Variants in DST observed in about 807,000 individuals in gnomAD.
DST encodes dystonin.
A neutral mutation model predicts 875.2 loss-of-function variants in DST; 253 were observed. The ratio of observed to expected loss-of-function variants is 0.29; its 90% CI spans 0.26 to 0.32. The LOEUF (loss-of-function observed/expected upper bound fraction) is 0.32, where lower values mean the gene tolerates loss of function less well. Among genes scored for constraint, DST ranks in the 10% least tolerant of loss-of-function variants. The probability of loss-of-function intolerance (pLI) is 1.00; values close to 1 mark genes in which losing one functional copy is unlikely to be tolerated. For synonymous variants in DST, 3,124 were observed against 3,197.1 expected (o/e 0.98, Z 0.77); for missense variants, 8,287 against 9,111.6 (o/e 0.91, Z 3.68).
chr6:56,920,719 C>A (rs1803656493), intron 2 of DST, among the ~76,000 whole-genome samples: 1 of 144,510 alleles, frequency 6.9e-6, no homozygotes, highest in Non-Finnish European at 1.5e-5. Flanking sequence ...CTTTTTCTTT[C>A]TTTCTTCCTT....
Position 56,633,562 on chromosome 6 carries a change from G to A in DST, c.3622-525C>T, listed in dbSNP as rs188570798. On this transcript the variant is annotated intron_variant, in intron 27 of 103. Transcript: ENST00000680361. ...TCACTCTTATTGCCCAGGCTGGAGC[G>A]CGATCTCAGCTCACTGCAACCTCTG... is the stretch of plus-strand genomic sequence containing the variant. Among the ~76,000 whole-genome samples, 10 of 148,830 alleles carry A rather than the reference G, an allele frequency of 6.7e-5. No individual in the cohort carries two copies. In the East Asian group the frequency reaches 8.0e-4, roughly 12 times the overall value.
chr6:56,660,998 C>T (rs1166560984), intron 10 of DST, among the ~76,000 whole-genome samples: 2 of 151,536 alleles, frequency 1.3e-5, no homozygotes, highest in Non-Finnish European at 2.9e-5. Flanking sequence ...AAAGAACAAT[C>T]AATCCCATTA....
chr6:56,624,268 C>T (rs1347478152), intron 36 of DST: 1 of 604,118 alleles, frequency 1.7e-6, no homozygotes, highest in Non-Finnish European at 2.9e-6. Flanking sequence ...AGACATTAAC[C>T]CCACCATATT....
chr6:56,767,189 A>AT (rs992046807), intron 4 of DST, among the ~76,000 whole-genome samples: 1 of 152,216 alleles, frequency 6.6e-6, no homozygotes, highest in Non-Finnish European at 1.5e-5. Flanking sequence ...ACATTCATAC[A>AT]TTTTTTAAAA....
At position 56,851,620 on chromosome 6, in the gene DST, CAGA is replaced by C. The variant is rs753728102; in HGVS notation, c.418-19_418-17del. On this transcript the variant is annotated splice_polypyrimidine_tract_variant and intron_variant, in intron 3 of 103. Transcript: ENST00000680361. Reference sequence around the variant, plus strand: ...TCCCGGAACTCTACAGAGAATGACACAGAAAAAGCATTAACAGCAAAATACTCA... The same window carrying C: ...TCCCGGAACTCTACAGAGAATGACACAAAAGCATTAACAGCAAAATACTCA... The C allele has an allele frequency of 8.1e-6, 13 of 1,611,150 alleles. No individual in the cohort carries two copies. The highest frequency in any genetic ancestry group is 1.0e-5 in the Non-Finnish European group (12 of 1,178,392).
At chr6:56,614,781 A>G in intron 36 of DST, 3 of 1,029,382 alleles carry the variant, frequency 2.9e-6, no homozygotes, top group Non-Finnish European at 3.5e-6. Flanking sequence ...AGGCACTAGA[A>G]GATCTTTGAA....
chr6:56,616,252 C>G, intron 36 of DST: 1 of 1,614,098 alleles, frequency 6.2e-7, no homozygotes, highest in South Asian at 1.1e-5. Context: ...GCTCTATAGC[C>G]TCATTAATAT....
chr6:56,488,643 G>A (rs930019689), intron 86 of DST, among the ~76,000 whole-genome samples: 1 of 152,156 alleles, frequency 6.6e-6, no homozygotes, highest in African/African-American at 2.4e-5. Flanking sequence ...TCCTCCTGAT[G>A]ATGACAAATT....
chr6:56,679,038 T>C (rs2099144406), intron 9 of DST, among the ~76,000 whole-genome samples: 2 of 152,216 alleles, frequency 1.3e-5, no homozygotes, highest in Admixed American at 6.5e-5. Context: ...GTTAATAAAC[T>C]GTCTTTCTCT....
At chr6:56,824,969 T>TG in intron 4 of DST, among the ~76,000 whole-genome samples, 1 of 152,308 alleles carries the variant, frequency 6.6e-6, no homozygotes, top group South Asian at 2.1e-4. Flanking sequence ...GGAGCCCCTC[T>TG]GCCCGGCCAC....
chr6:56,711,126 C>G (rs1430229251), intron 5 of DST, among the ~76,000 whole-genome samples: 1 of 151,990 alleles, frequency 6.6e-6, no homozygotes, highest in Non-Finnish European at 1.5e-5. Context: ...GGTAGACAAT[C>G]TATAATCAAT....
At chr6:56,836,819 C>G (rs2099794156) in intron 4 of DST, among the ~76,000 whole-genome samples, 1 of 147,662 alleles carries the variant, frequency 6.8e-6, no homozygotes, top group Non-Finnish European at 1.5e-5. Flanking sequence ...CCACTGCACT[C>G]CCGCCTGGGC....
At chr6:56,851,134 G>A in intron 4 of DST, 1 of 509,872 alleles carries the variant, frequency 2.0e-6, no homozygotes, top group Non-Finnish European at 3.5e-6. Context: ...TAGTGCAAAT[G>A]TCTGTAAATA....
rs2098817436 is a variant in DST at position 56,635,647 on chromosome 6, T to C, written c.3128A>G (p.Tyr1043Cys). Reference sequence around the variant, plus strand: ...AATGCTGCTTGATCTATCACAGCTGTACTTCCGCTGAATGGCATCTTTTAG... The same window carrying C: ...AATGCTGCTTGATCTATCACAGCTGCACTTCCGCTGAATGGCATCTTTTAG... ...RNLKDAIQRK[Y>C]SCDRSSSIHK... The change falls in exon 24 of 104, where the codon TAC (tyrosine) becomes TGC (cysteine). Residue 1043 changes from tyrosine (Y) to cysteine (C), a missense_variant. By Grantham distance (194) the Tyr-to-Cys change is radical (BLOSUM62 -2). Around this residue, in one of 10 missense-constraint regions of DST, gnomAD observed 1,160 missense variants for 1,424.3 expected, o/e 0.81. Transcript: ENST00000680361. 2 of 1,613,964 alleles carry C rather than the reference T, an allele frequency of 1.2e-6. No individual in the cohort carries two copies. The highest frequency in any genetic ancestry group is 1.7e-6 in the Non-Finnish European group (2 of 1,179,884).
chr6:56,574,377 A>G (rs2097831138), intron 50 of DST, among the ~76,000 whole-genome samples: 1 of 152,042 alleles, frequency 6.6e-6, no homozygotes, highest in Non-Finnish European at 1.5e-5. Context: ...TTATCACCCT[A>G]TCTCCCTCCT....
chr6:56,596,069 G>A (rs558376316), intron 47 of DST, among the ~76,000 whole-genome samples: 30 of 151,268 alleles, frequency 2.0e-4, no homozygotes, highest in African/African-American at 6.6e-4. Flanking sequence ...TCGCTCTGTC[G>A]CCAGGCCAGA....
chr6:56,803,683 T>C (rs2099749935), intron 4 of DST, among the ~76,000 whole-genome samples: 2 of 152,190 alleles, frequency 1.3e-5, no homozygotes, highest in Non-Finnish European at 1.5e-5. Context: ...TCAACTCCCA[T>C]CCTGACAGAC....
At chr6:56,760,261 G>A (rs80069964) in intron 4 of DST, among the ~76,000 whole-genome samples, 3,259 of 152,254 alleles carry the variant, frequency 0.021, 99 homozygotes, top group African/African-American at 0.069. Context: ...ATGTTTTGGG[G>A]TAATATGGGT....
At chr6:56,790,280 T>C (rs968118322) in intron 4 of DST, among the ~76,000 whole-genome samples, 1 of 152,228 alleles carries the variant, frequency 6.6e-6, no homozygotes, top group Admixed American at 6.5e-5. Flanking sequence ...AGTTTTATCA[T>C]GCCCGTTTTA....
Sources: gnomAD v4.1 joint callset for allele counts (sites outside exome capture counted in the v4.1 genomes callset) on GRCh38, gnomAD v4.1.1 for gene constraint, gnomAD v4.1.1 regional missense constraint, MANE v1.5 for transcripts, NCBI Gene and HGNC (gene_info 2026-07-23, HGNC 2026-07-21) for gene names.